Variants in DGKB observed in about 807,000 individuals in gnomAD.
DGKB encodes the protein 90 kDa diacylglycerol kinase.
A neutral mutation model predicts 114.3 loss-of-function variants in DGKB; 67 were observed. The ratio of observed to expected loss-of-function variants is 0.59; its 90% CI spans 0.48 to 0.72. DGKB has a LOEUF of 0.72. Among genes scored for constraint, DGKB ranks in the 30% least tolerant of loss-of-function variants. The pLI is 0.00. For synonymous variants in DGKB, 398 were observed against 323.1 expected, an observed-to-expected ratio of 1.23 and a Z score of -2.49; for missense variants, 907 against 975.2, an observed-to-expected ratio of 0.93 and a Z score of 0.93.
In DGKB at chr7:14,942,643, CT is replaced by C. The variant is rs1287547526; in HGVS notation, c.-188+32052del. Among the ~76,000 whole-genome samples the C allele has an allele frequency of 4.0e-4, 61 of 152,120 alleles. 1 individual carries two copies. The highest frequency in any genetic ancestry group is 1.4e-3 in the African/African-American group (58 of 41,570). On this transcript the variant is annotated intron_variant, in intron 1 of 4. Transcript: ENST00000437998. The stretch of plus-strand genomic sequence containing the variant: ...CTCCAGTTTAAAGCGCTCCGGCTCA[CT>C]TCTTTCTGTTCCCTGAACTCTCCAA...
intron 21 of DGKB, among the ~76,000 whole-genome samples, chr7:14,446,268 A>G (rs1251564284): frequency 2.6e-5 from 4 of 152,142 alleles, no homozygotes; most frequent in Non-Finnish European, 4.4e-5. Context: ...GTTTCATTCA[A>G]TCGAAAGTGG....
chr7:14,485,300 GGT>G (rs60976022), intron 20 of DGKB, among the ~76,000 whole-genome samples: 56,610 of 141,582 alleles, frequency 0.4, 11,115 homozygotes, highest in East Asian at 0.72. Context: ...ATGCTCATGA[GGT>G]GTGTGTGTGT....
chr7:14,806,366 G>A (rs573021643), intron 2 of DGKB, among the ~76,000 whole-genome samples: 27 of 151,890 alleles, frequency 1.8e-4, no homozygotes, highest in Non-Finnish European at 3.4e-4. Context: ...CAATAAAATT[G>A]GTAAAAATAA....
At chr7:14,802,776 T>C (rs929810258) in intron 2 of DGKB, among the ~76,000 whole-genome samples, 4 of 152,270 alleles carry the variant, frequency 2.6e-5, no homozygotes, top group Middle Eastern at 6.8e-3. Context: ...CCTACATTCC[T>C]CTTACCTTCC....
At chr7:14,174,880 G>A (rs1464242445) in intron 25 of DGKB, among the ~76,000 whole-genome samples, 2 of 152,184 alleles carry the variant, frequency 1.3e-5, no homozygotes, top group Non-Finnish European at 2.9e-5. Flanking sequence ...GAGAGTGAAG[G>A]ATCACAGAAA....
chr7:14,695,510 T>TA (rs1373673774), intron 8 of DGKB, among the ~76,000 whole-genome samples: 2 of 131,292 alleles, frequency 1.5e-5, no homozygotes, highest in African/African-American at 6.1e-5. Context: ...TTTTTTTTTT[T>TA]TTTTTTTGAG....
chr7:14,705,135 G>C (rs1191908641), intron 6 of DGKB, among the ~76,000 whole-genome samples: 2 of 151,760 alleles, frequency 1.3e-5, no homozygotes, highest in South Asian at 2.1e-4. Flanking sequence ...GGAGCTGATG[G>C]AGCTGAAAAC....
intron 4 of DGKB, among the ~76,000 whole-genome samples, chr7:14,738,603 TTAAA>T (rs1316450852): frequency 1.3e-5 from 2 of 152,224 alleles, no homozygotes; most frequent in Admixed American, 6.5e-5. Context: ...TTGTATGTAA[TTAAA>T]TAAATTTTTG....
chr7:14,532,045 T>C (rs1448229424), intron 20 of DGKB, among the ~76,000 whole-genome samples: 1 of 151,292 alleles, frequency 6.6e-6, no homozygotes, highest in Non-Finnish European at 1.5e-5. Context: ...TCCAAATAAA[T>C]GGATCATGTT....
intron 25 of DGKB, among the ~76,000 whole-genome samples, chr7:14,152,940 C>T (rs910106032): frequency 6.6e-6 from 1 of 152,076 alleles, no homozygotes; most frequent in African/African-American, 2.4e-5. Flanking sequence ...ATTTCATCCA[C>T]CTCTTTGAGC....
intron 23 of DGKB, among the ~76,000 whole-genome samples, chr7:14,216,670 G>T (rs1298958334): frequency 7.6e-6 from 1 of 131,262 alleles, no homozygotes; most frequent in African/African-American, 2.9e-5. Context: ...AGGTTGCAGT[G>T]AACCGAGATT....
At chr7:14,463,114 C>G (rs1481156689) in intron 21 of DGKB, among the ~76,000 whole-genome samples, 1 of 152,008 alleles carries the variant, frequency 6.6e-6, no homozygotes, top group Non-Finnish European at 1.5e-5. Flanking sequence ...AAGCTGGAAA[C>G]CATCATTCTC....
At chr7:14,572,882 G>C (rs62443552) in intron 20 of DGKB, among the ~76,000 whole-genome samples, 1 of 152,136 alleles carries the variant, frequency 6.6e-6, no homozygotes, top group Non-Finnish European at 1.5e-5. Flanking sequence ...GGTTACATGA[G>C]TAAGTCCTTT....
At chr7:14,346,434 C>A (rs1812488761) in intron 21 of DGKB, among the ~76,000 whole-genome samples, 1 of 151,814 alleles carries the variant, frequency 6.6e-6, no homozygotes, top group Admixed American at 6.6e-5. Context: ...TAAACATAGT[C>A]AATAATGTTT....
At chr7:14,165,810 G>A (rs1027612794) in intron 25 of DGKB, among the ~76,000 whole-genome samples, 7 of 152,162 alleles carry the variant, frequency 4.6e-5, no homozygotes, top group Non-Finnish European at 1.5e-5. Context: ...GCCCTAGGCT[G>A]TGTTTGCTAA....
intron 21 of DGKB, among the ~76,000 whole-genome samples, chr7:14,427,018 T>A (rs1827675147): frequency 6.6e-6 from 1 of 151,604 alleles, no homozygotes; most frequent in South Asian, 2.1e-4. Flanking sequence ...CAAGATAGTG[T>A]CACTGCACTC....
intron 1 of DGKB, among the ~76,000 whole-genome samples, chr7:14,955,185 A>G (rs918822273): frequency 3.4e-4 from 51 of 152,220 alleles, no homozygotes; most frequent in African/African-American, 1.2e-3. Context: ...TTTAACAAAA[A>G]TCATTTGCAA....
At chr7:14,589,461 C>T (rs1366902483) in intron 17 of DGKB, among the ~76,000 whole-genome samples, 1 of 151,770 alleles carries the variant, frequency 6.6e-6, no homozygotes, top group Admixed American at 6.6e-5. Context: ...ATATCTTGTT[C>T]CTGAAGATAA....
rs185661348 is a variant in DGKB, at chr7:14,554,093, C to T, written c.1770+20119G>A. ...TTCACTGTGTTAGCCAGGATGATCT[C>T]GATCTCCTGACCTCGTGATCTGCCC... On this transcript the variant is annotated intron_variant, in intron 20 of 25. Coordinates refer to ENST00000402815, the MANE Select transcript of DGKB (RefSeq NM_001350709.2). 8.2e-3 allele frequency among the ~76,000 whole-genome samples: 1,241 copies of T among 151,900 alleles called. 15 individuals are homozygous for T. The highest frequency in any genetic ancestry group is 0.027 in the African/African-American group (1,100 of 41,436).
Sources: allele counts gnomAD v4.1 joint callset (sites outside exome capture counted in the v4.1 genomes callset), GRCh38; gene constraint gnomAD v4.1.1; transcripts MANE v1.5; gene names NCBI Gene and HGNC (gene_info 2026-07-23, HGNC 2026-07-21).